Variants in MYH10 observed in about 807,000 individuals in gnomAD.
MYH10 encodes myosin-10.
A neutral mutation model predicts 257.8 loss-of-function variants in MYH10; 55 were observed. That is an observed-to-expected ratio of 0.21 (90% CI 0.17 to 0.27). The LOEUF (loss-of-function observed/expected upper bound fraction) is 0.27, where lower values mean the gene tolerates loss of function less well. MYH10 is among the 10% of genes least tolerant of loss of function. The probability of loss-of-function intolerance (pLI) is 1.00; values close to 1 mark genes in which losing one functional copy is unlikely to be tolerated. For synonymous variants in MYH10, 854 were observed against 921.7 expected (o/e 0.93, Z 1.33); for missense variants, 1,631 against 2,500.6 (o/e 0.65, Z 7.42).
Position 8,487,450 on chromosome 17 carries a change from G to C in MYH10, c.5029C>G (p.Gln1677Glu). ...ANKARDEVIKQLRKLQAQMKD... is the reference protein window; with the variant it reads ...ANKARDEVIKELRKLQAQMKD... ...GCACATACCTGGAGCTTGCGGAGCTGCTTAATCACCTCATCCCGAGCTTTG... is the reference window on the plus strand; with the variant it reads ...GCACATACCTGGAGCTTGCGGAGCTCCTTAATCACCTCATCCCGAGCTTTG... Residue 1677 changes from glutamine to glutamate, a missense_variant, in exon 36 of 43, where the codon CAG becomes GAG. By Grantham distance (29) the Gln-to-Glu change is conservative (BLOSUM62 2). Coordinates refer to ENST00000360416, the MANE Select transcript of MYH10 (RefSeq NM_001256012.3). 6.2e-7 allele frequency: 1 copy of C among 1,614,196 alleles called. No individual in the cohort carries two copies. Among genetic ancestry groups the C allele is most frequent in the Middle Eastern group, 1.7e-4 (1 of 6,008 alleles).
At chr17:8,575,450 A>C (rs2152016078) in intron 6 of MYH10, among the ~76,000 whole-genome samples, 1 of 152,290 alleles carries the variant, frequency 6.6e-6, no homozygotes, top group Middle Eastern at 3.4e-3. Context: ...GAAGCTTTTA[A>C]ATACCCTACA....
At chr17:8,512,723 TGATTTCAATGGTCAATGCACATCA>T in intron 23 of MYH10, 66 bp from the exon 24 acceptor site, 1 of 1,299,114 alleles carries the variant, frequency 7.7e-7, no homozygotes, top group East Asian at 2.4e-5. Context: ...ATATTCGCCG[TGATTTCAATGGTCAATGCACATCA>T]AAGAAACTGG....
chr17:8,569,398 C>T lies in MYH10; in HGVS notation c.756+322G>A, dbSNP rs577573337. Reference sequence around the variant, plus strand: ...CGTGCACACCATTTATTCTCTACTCCGATTCCACTGACAGGTGTTATTATC... The same window carrying T: ...CGTGCACACCATTTATTCTCTACTCTGATTCCACTGACAGGTGTTATTATC... On this transcript the variant is annotated intron_variant, in intron 7 of 42. Transcript: ENST00000360416. The surrounding 1 kb of genome is among the most constrained non-coding windows in gnomAD (Gnocchi z 4.1). Among the ~76,000 whole-genome samples the T allele has an allele frequency of 6.6e-6, 1 of 152,118 alleles. No homozygotes were observed. The highest frequency in any genetic ancestry group is 1.5e-5 in the Non-Finnish European group (1 of 68,028).
chr17:8,605,156 A>G (rs2084749470), intron 2 of MYH10, among the ~76,000 whole-genome samples, 174 bp from the exon 3 acceptor site: 1 of 152,198 alleles, frequency 6.6e-6, no homozygotes, highest in Non-Finnish European at 1.5e-5. Context: ...AGTACTATGA[A>G]CCACAAGTAG....
At chr17:8,486,039 T>C (rs1914706258) in intron 36 of MYH10, among the ~76,000 whole-genome samples, 1 of 152,196 alleles carries the variant, frequency 6.6e-6, no homozygotes, top group Admixed American at 6.5e-5. Context: ...TGGATGAACT[T>C]TGAAAACATC....
At chr17:8,513,292 C>G (rs2081359091) in intron 23 of MYH10, among the ~76,000 whole-genome samples, 1 of 152,120 alleles carries the variant, frequency 6.6e-6, no homozygotes, top group South Asian at 2.1e-4. Flanking sequence ...CCAAGAATAA[C>G]AAAAGCAAAG....
rs566994151 is a variant in MYH10, at chr17:8,614,111, AAT to A, written c.345+8789_345+8790del. Among the ~76,000 whole-genome samples, 557 of 152,310 alleles carry A rather than the reference AAT, an allele frequency of 3.7e-3. 5 individuals are homozygous for A. The highest frequency in any genetic ancestry group is 0.013 in the African/African-American group (526 of 41,570). ...TTTCACAGTAACTGAAACAACAGATAATAAAGTATATGTATTTTTCAAGTGCA... is the reference window on the plus strand; with the variant it reads ...TTTCACAGTAACTGAAACAACAGATAAAAGTATATGTATTTTTCAAGTGCA... On this transcript the variant is annotated intron_variant, in intron 2 of 42. Transcript: ENST00000360416.
At chr17:8,577,359 A>G (rs201523382) in intron 4 of MYH10, 21 bp from the exon 5 acceptor site, 2 of 1,568,250 alleles carry the variant, frequency 1.3e-6, no homozygotes, top group East Asian at 2.2e-5. Context: ...GAGTTAATAT[A>G]GGCTGCTTTA....
intron 3 of MYH10, among the ~76,000 whole-genome samples, chr17:8,592,065 A>C (rs2084167135): frequency 6.6e-6 from 1 of 152,238 alleles, no homozygotes; most frequent in Non-Finnish European, 1.5e-5. Context: ...TAAAGGGGGA[A>C]AAACTCACTT....
At position 8,548,745 on chromosome 17, in the gene MYH10, G is replaced by C; in HGVS notation, c.962C>G (p.Ser321Cys). Residue 321 changes from serine to cysteine, a missense_variant, in exon 10 of 43, where the codon TCC becomes TGC. By Grantham distance (112) the Ser-to-Cys change is moderately radical. This residue lies in a region of MYH10 where 360 missense variants were observed against 581.9 expected (regional missense o/e 0.62). Coordinates refer to ENST00000360416, the MANE Select transcript of MYH10 (RefSeq NM_001256012.3). ...TCCCGGAATAGGAATATAGCCATTGGAGAGAAACCTGTAGTTATTAAATCC... is the reference window on the plus strand; with the variant it reads ...TCCCGGAATAGGAATATAGCCATTGCAGAGAAACCTGTAGTTATTAAATCC... ...LEGFNNYRFL[S>C]NGYIPIPGQQ... The C allele has an allele frequency of 1.9e-6, 3 of 1,613,402 alleles. No homozygotes were observed. The highest frequency in any genetic ancestry group is 2.5e-6 in the Non-Finnish European group (3 of 1,179,364).
intron 2 of MYH10, among the ~76,000 whole-genome samples, chr17:8,611,795 G>T (rs1217418173): frequency 1.3e-5 from 2 of 152,172 alleles, no homozygotes; most frequent in Non-Finnish European, 2.9e-5. Context: ...TGTGAAGTAT[G>T]TGAGTCCAAG....
At chr17:8,568,205 T>A (rs537680743) in intron 7 of MYH10, among the ~76,000 whole-genome samples, 13 of 152,296 alleles carry the variant, frequency 8.5e-5, no homozygotes, top group African/African-American at 3.1e-4. Context: ...TTGGGTTCAG[T>A]TATGAGAGGC....
intron 7 of MYH10, among the ~76,000 whole-genome samples, chr17:8,560,089 C>T (rs1210525390): frequency 6.6e-6 from 1 of 152,110 alleles, no homozygotes; most frequent in Non-Finnish European, 1.5e-5. Context: ...TTCTTTATAT[C>T]CAGTAATATA....
At chr17:8,620,193 C>CA (rs1233806271) in intron 2 of MYH10, among the ~76,000 whole-genome samples, 3 of 151,994 alleles carry the variant, frequency 2.0e-5, no homozygotes, top group Admixed American at 6.5e-5. Flanking sequence ...ATATACTACA[C>CA]AAAAAAGTCT....
At chr17:8,585,004 C>T (rs554228647) in intron 4 of MYH10, among the ~76,000 whole-genome samples, 22 of 151,810 alleles carry the variant, frequency 1.4e-4, no homozygotes, top group Admixed American at 2.6e-4. Flanking sequence ...CCACCATGCC[C>T]GGCCAATTTT....
intron 13 of MYH10, among the ~76,000 whole-genome samples, chr17:8,543,752 G>A (rs1030481097): frequency 3.3e-5 from 5 of 152,152 alleles, no homozygotes; most frequent in Admixed American, 6.5e-5. Context: ...GATTACAGGC[G>A]TGAGCCACCA....
intron 35 of MYH10, among the ~76,000 whole-genome samples, chr17:8,489,280 C>T (rs986685830): frequency 6.6e-6 from 1 of 152,210 alleles, no homozygotes; most frequent in Non-Finnish European, 1.5e-5. Flanking sequence ...CAATTCCTCA[C>T]CCACAGAAAC....
chr17:8,477,157 A>ACGCGTGTACACGGATGTACACGCGTG lies in MYH10; in HGVS notation c.5707-135_5707-110dup. The ACGCGTGTACACGGATGTACACGCGTG allele has an allele frequency of 8.1e-7, 1 of 1,234,504 alleles. No homozygotes were observed. Among genetic ancestry groups the ACGCGTGTACACGGATGTACACGCGTG allele is most frequent in the South Asian group, 1.4e-5 (1 of 72,466 alleles). The allele number at this position is 1,234,504 out of a possible 1,614,324, so 76.5% of individuals were successfully genotyped here. On this transcript the variant is annotated intron_variant, in intron 41 of 42. Coordinates refer to ENST00000360416, the MANE Select transcript of MYH10 (RefSeq NM_001256012.3). This position sits in a 1 kb window ranked among gnomAD's most constrained non-coding sequence, Gnocchi z 4.2. ...GGCTCTGCCTGTTACCCTTGTGAGC[A>ACGCGTGTACACGGATGTACACGCGTG]CGCGTGTACACGGATGTACACGCGT...
intron 1 of MYH10, among the ~76,000 whole-genome samples, chr17:8,625,772 C>A (rs913290787): frequency 3.3e-5 from 5 of 152,194 alleles, no homozygotes; most frequent in African/African-American, 1.2e-4. Context: ...TGAGCCACCG[C>A]GTCCAGCCTG....
Sources: gnomAD v4.1 joint callset for allele counts (sites outside exome capture counted in the v4.1 genomes callset) on GRCh38, gnomAD v4.1.1 for gene constraint, gnomAD v4.1.1 regional missense constraint, Gnocchi (gnomAD v3.1) non-coding constraint, MANE v1.5 for transcripts, NCBI Gene and HGNC (gene_info 2026-07-23, HGNC 2026-07-21) for gene names.